YIF1B: variants seen among roughly 807,000 people sequenced by gnomAD.
YIF1B encodes the protein Yip1 interacting factor homolog B, membrane trafficking protein.
In YIF1B, 24 loss-of-function variants were observed where a neutral mutation model predicts 34.6. The ratio of observed to expected loss-of-function variants is 0.69; its 90% CI spans 0.50 to 0.98. The LOEUF (loss-of-function observed/expected upper bound fraction) is 0.98. Ranked by LOEUF, YIF1B falls within the 50% of genes least tolerant of loss-of-function variation. The probability of loss-of-function intolerance (pLI) is 0.00; values close to 1 mark genes in which losing one functional copy is unlikely to be tolerated. For missense variants in YIF1B, 368 were observed against 429.4 expected (o/e 0.86, Z 1.26); for synonymous variants, 186 against 184.8 (o/e 1.01, Z -0.05).
chr19:38,317,734 G>C (rs1029924333), upstream of YIF1B, among the ~76,000 whole-genome samples: 3 of 151,642 alleles, frequency 2.0e-5, no homozygotes, highest in South Asian at 4.2e-4. Flanking sequence ...GTGTGCCATC[G>C]CACCTGGCTA....
Position 38,309,443 on chromosome 19 carries a change from T to C in YIF1B, c.259A>G (p.Ser87Gly). ...VSNMAMAYGSSLAAQGKELVD... is the reference protein window; with the variant it reads ...VSNMAMAYGSGLAAQGKELVD... Reference sequence around the variant, plus strand: ...AGCTCCTTGCCCTGCGCGGCCAGGCTGCTCCCATAGGCCATGGCCATGTTG... The same window carrying C: ...AGCTCCTTGCCCTGCGCGGCCAGGCCGCTCCCATAGGCCATGGCCATGTTG... Residue 87 changes from serine (S) to glycine (G), a missense_variant, in exon 2 of 8, where the codon AGC becomes GGC. Physicochemically the swap from Ser to Gly is moderately conservative, Grantham distance 56 (BLOSUM62 0). Transcript: ENST00000339413. The C allele has an allele frequency of 6.2e-7, 1 of 1,613,830 alleles. No individual in the cohort carries two copies. The highest frequency in any genetic ancestry group is 8.5e-7 in the Non-Finnish European group (1 of 1,179,824).
intron 1 of YIF1B, among the ~76,000 whole-genome samples, chr19:38,312,516 G>C (rs570617968): frequency 1.3e-5 from 2 of 152,298 alleles, no homozygotes; most frequent in South Asian, 4.1e-4. Flanking sequence ...AAAATAGGGA[G>C]GGCGGGATTT....
Position 38,305,312 on chromosome 19 carries a change from C to CCAGCAGCAG in YIF1B, c.*31_*39dup, listed in dbSNP as rs759589096. The CCAGCAGCAG allele has an allele frequency of 2.2e-5, 35 of 1,581,308 alleles. No individual in the cohort carries two copies. The Middle Eastern group carries it at 5.6e-4, about 25-fold the overall frequency. ...ATGAGTTCGGCGGCCACAGTGGCCC[C>CCAGCAGCAG]CAGCAGCAGCAGCAGCAGCGGGAGG... On this transcript the variant is annotated 3_prime_UTR_variant, in exon 8 of 8. Coordinates refer to ENST00000339413, the MANE Select transcript of YIF1B (RefSeq NM_001039672.3).
rs780471699 is a variant in YIF1B, at chr19:38,308,868, C to T, written c.482-19G>A. ...GCCATTGCTGTGGGAGACAGACACACAGACACTGGTCACCAGAGGAAGAAC... is the reference window on the plus strand; with the variant it reads ...GCCATTGCTGTGGGAGACAGACACATAGACACTGGTCACCAGAGGAAGAAC... On this transcript the variant is annotated intron_variant, in intron 4 of 7. Coordinates refer to ENST00000339413, the MANE Select transcript of YIF1B (RefSeq NM_001039672.3). 1 of 1,613,926 alleles carries T rather than the reference C, an allele frequency of 6.2e-7. No homozygotes were observed. The highest frequency in any genetic ancestry group is 8.5e-7 in the Non-Finnish European group (1 of 1,179,908).
Position 38,304,893 on chromosome 19 carries a change from A to G in YIF1B, c.*459T>C. ...GCACGAGAGCATCCCGGGCAAGGCCAAGAAGCCCAAAGTGAAGAAGAAGGA... is the reference window on the plus strand; with the variant it reads ...GCACGAGAGCATCCCGGGCAAGGCCGAGAAGCCCAAAGTGAAGAAGAAGGA... On this transcript the variant is annotated 3_prime_UTR_variant, in exon 8 of 8. Coordinates refer to ENST00000339413, the MANE Select transcript of YIF1B (RefSeq NM_001039672.3). The G allele has an allele frequency of 6.2e-7, 1 of 1,611,754 alleles. No homozygotes were observed. The highest frequency in any genetic ancestry group is 2.2e-5 in the East Asian group (1 of 44,812).
At chr19:38,311,233 GC>G (rs1033804111) in intron 1 of YIF1B, among the ~76,000 whole-genome samples, 2 of 151,652 alleles carry the variant, frequency 1.3e-5, no homozygotes, top group East Asian at 3.9e-4. Flanking sequence ...GTTGCAGTGA[GC>G]CGAGACTGCA....
At chr19:38,306,065 G>C (rs1016513603) in intron 7 of YIF1B, among the ~76,000 whole-genome samples, 1 of 151,900 alleles carries the variant, frequency 6.6e-6, no homozygotes, top group Non-Finnish European at 1.5e-5. Flanking sequence ...AGCTGGGCGT[G>C]GTGGTGAGTG....
upstream of YIF1B, chr19:38,320,169 G>C (rs757104093): frequency 5.0e-6 from 8 of 1,598,594 alleles, no homozygotes; most frequent in Non-Finnish European, 6.8e-6. Context: ...GACGGCTGGG[G>C]CGGGTCGTGC....
At chr19:38,319,786 C>T (rs1969623929), upstream of YIF1B, 2 of 696,580 alleles carry the variant, frequency 2.9e-6, no homozygotes, top group East Asian at 3.5e-5. Context: ...GGAGGCGGGG[C>T]ATTCCTCCGT....
chr19:38,308,252 C>T (rs578092152), intron 5 of YIF1B, among the ~76,000 whole-genome samples: 2 of 152,190 alleles, frequency 1.3e-5, no homozygotes, highest in Admixed American at 6.5e-5. Context: ...TGCAGGTACT[C>T]GGCAGTAGTG....
At position 38,304,625 on chromosome 19, in the gene YIF1B, A is replaced by G. The variant is rs756964458; in HGVS notation, c.*727T>C. 6.2e-7 allele frequency: 1 copy of G among 1,613,486 alleles called. No individual in the cohort carries two copies. The highest frequency in any genetic ancestry group is 2.2e-5 in the East Asian group (1 of 44,856). ...CCTCACTGCCGCACCTCCATCCAGCAAGGACACCACAGCTCTTCCGACTCC... is the reference window on the plus strand; with the variant it reads ...CCTCACTGCCGCACCTCCATCCAGCGAGGACACCACAGCTCTTCCGACTCC... On this transcript the variant is annotated 3_prime_UTR_variant, in exon 8 of 8. Coordinates refer to ENST00000339413, the MANE Select transcript of YIF1B (RefSeq NM_001039672.3).
chr19:38,318,184 C>A (rs1175386753), upstream of YIF1B, among the ~76,000 whole-genome samples: 2 of 101,394 alleles, frequency 2.0e-5, no homozygotes, highest in African/African-American at 7.1e-5. Context: ...CAGAGCGAGA[C>A]TCTTGTCTCA....
chr19:38,309,236 G>A lies in YIF1B; in HGVS notation c.390C>T (p.Pro130=). The A allele has an allele frequency of 6.2e-7, 1 of 1,613,938 alleles. No individual in the cohort carries two copies. The highest frequency in any genetic ancestry group is 8.5e-7 in the Non-Finnish European group (1 of 1,179,928). ...VGRKLGLLFF[P]YLHQDWEVQY... ...TGGGGGTGCTGACCTGGTGTAGGTA[G>A]GGGAAGAACAGCAGGCCCAGCTTTC... The change falls in exon 3 of 8, where the codon CCC becomes CCT. Residue 130 remains proline (P), a synonymous_variant. Coordinates refer to ENST00000339413, the MANE Select transcript of YIF1B (RefSeq NM_001039672.3).
At chr19:38,312,959 C>T (rs1023883599) in intron 1 of YIF1B, among the ~76,000 whole-genome samples, 3 of 138,332 alleles carry the variant, frequency 2.2e-5, no homozygotes, top group Non-Finnish European at 4.8e-5. Flanking sequence ...ACTTCTTCTT[C>T]TTTTTTTTTT....
intron 1 of YIF1B, among the ~76,000 whole-genome samples, chr19:38,310,647 C>T (rs75488270): frequency 0.052 from 7,920 of 152,164 alleles, 351 homozygotes; most frequent in East Asian, 0.2. Flanking sequence ...TACACAAGGC[C>T]GCTGTCCATA....
rs1968915489 is a variant in YIF1B, at chr19:38,304,745, C to T, written c.*607G>A. 1 of 1,612,492 alleles carries T rather than the reference C, an allele frequency of 6.2e-7. No individual in the cohort carries two copies. Among genetic ancestry groups the T allele is most frequent in the Non-Finnish European group, 8.5e-7 (1 of 1,179,066 alleles). On this transcript the variant is annotated 3_prime_UTR_variant, in exon 8 of 8. Transcript: ENST00000339413. ...GCCCTGCACCCCAGAGAGGCGTCCC[C>T]GCACTGGGGCTGGCGGGGAGGGTGC...
At chr19:38,309,718 C>T (rs1600391894) in intron 1 of YIF1B, 75 bp from the exon 2 acceptor site, 1 of 1,515,494 alleles carries the variant, frequency 6.6e-7, no homozygotes, top group East Asian at 2.4e-5. Flanking sequence ...TCATTCATCC[C>T]ACAGCTCTGC....
rs1969205319 is a variant in YIF1B at position 38,309,250 on chromosome 19, G to C, written c.376C>G (p.Leu126Val). The change falls in exon 3 of 8, where the codon CTG becomes GTG. Residue 126 changes from leucine to valine, a missense_variant. Physicochemically the swap from Leu to Val is conservative, Grantham distance 32. This residue lies in a region of YIF1B where 7 missense variants were observed against 24.9 expected (regional missense o/e 0.28). Coordinates refer to ENST00000339413, the MANE Select transcript of YIF1B (RefSeq NM_001039672.3). Reference sequence around the variant, plus strand: ...TGGTGTAGGTAGGGGAAGAACAGCAGGCCCAGCTTTCTGCCCACATACATG... The same window carrying C: ...TGGTGTAGGTAGGGGAAGAACAGCACGCCCAGCTTTCTGCCCACATACATG... ...DTMYVGRKLG[L>V]LFFPYLHQDW... The C allele has an allele frequency of 6.2e-7, 1 of 1,613,920 alleles. No individual in the cohort carries two copies. Among genetic ancestry groups the C allele is most frequent in the South Asian group, 1.1e-5 (1 of 91,086 alleles).
chr19:38,316,880 C>T (rs1263156890), upstream of YIF1B, among the ~76,000 whole-genome samples: 4 of 151,990 alleles, frequency 2.6e-5, no homozygotes, highest in Non-Finnish European at 4.4e-5. Flanking sequence ...AGGCTGGTCT[C>T]GAATTCCTGG....
Sources: gnomAD v4.1 joint callset for allele counts (sites outside exome capture counted in the v4.1 genomes callset) on GRCh38, gnomAD v4.1.1 for gene constraint, gnomAD v4.1.1 regional missense constraint, MANE v1.5 for transcripts, NCBI Gene and HGNC (gene_info 2026-07-23, HGNC 2026-07-21) for gene names.